CTNNA3: variants seen among roughly 807,000 people sequenced by gnomAD.
CTNNA3 encodes the protein catenin alpha 3.
CTNNA3 carries 76 observed loss-of-function variants against 95.7 expected under a neutral mutation model. The observed-to-expected ratio is 0.79, with a 90% CI of 0.66 to 0.96. The LOEUF is 0.96. Ranked by LOEUF, CTNNA3 falls within the 40% of genes least tolerant of loss-of-function variation. CTNNA3 has a pLI of 0.00. For synonymous variants in CTNNA3, 431 were observed against 374.4 expected, an observed-to-expected ratio of 1.15 and a Z score of -1.74; for missense variants, 1,191 against 1,089.8, an observed-to-expected ratio of 1.09 and a Z score of -1.31.
intron 7 of CTNNA3, among the ~76,000 whole-genome samples, chr10:67,105,984 A>G (rs1163492066): frequency 2.6e-5 from 4 of 152,200 alleles, no homozygotes; most frequent in African/African-American, 9.6e-5. Flanking sequence ...TTTCCTCTTT[A>G]ACAAACTTCA....
chr10:67,591,566 A>G (rs1395685955), intron 3 of CTNNA3, among the ~76,000 whole-genome samples: 1 of 152,172 alleles, frequency 6.6e-6, no homozygotes, highest in Non-Finnish European at 1.5e-5. Flanking sequence ...GTTGGATTCA[A>G]TGTCACATAG....
chr10:66,900,754 G>A (rs1241197284), intron 7 of CTNNA3, among the ~76,000 whole-genome samples: 1 of 152,104 alleles, frequency 6.6e-6, no homozygotes, highest in Non-Finnish European at 1.5e-5. Context: ...TAGCCAATTC[G>A]ATCAAGTGGA....
chr10:66,970,228 A>T (rs1261214823), intron 7 of CTNNA3, among the ~76,000 whole-genome samples: 1 of 152,164 alleles, frequency 6.6e-6, no homozygotes, highest in Non-Finnish European at 1.5e-5. Context: ...TATTAGATTC[A>T]AGCATCCACA....
intron 7 of CTNNA3, among the ~76,000 whole-genome samples, chr10:67,109,296 T>A (rs1404420272): frequency 6.6e-6 from 1 of 152,236 alleles, no homozygotes; most frequent in East Asian, 1.9e-4. Flanking sequence ...TTGCCTGATA[T>A]ACCAATAAGC....
At chr10:67,367,964 T>C (rs1481554069) in intron 5 of CTNNA3, among the ~76,000 whole-genome samples, 2 of 152,106 alleles carry the variant, frequency 1.3e-5, no homozygotes, top group East Asian at 1.9e-4. Context: ...ATAGGTTTAA[T>C]TGTATCCCAA....
chr10:66,811,849 C>T (rs1332169959), intron 7 of CTNNA3, among the ~76,000 whole-genome samples: 1 of 152,170 alleles, frequency 6.6e-6, no homozygotes, highest in Non-Finnish European at 1.5e-5. Context: ...ATCAGATTGC[C>T]TGTTTATATC....
intron 9 of CTNNA3, among the ~76,000 whole-genome samples, chr10:66,763,779 A>G (rs984930113): frequency 6.2e-4 from 95 of 152,300 alleles, no homozygotes; most frequent in African/African-American, 2.2e-3. Context: ...AGCTGAAGCT[A>G]CATGAAGAAG....
intron 11 of CTNNA3, among the ~76,000 whole-genome samples, chr10:66,487,073 G>A (rs1839754722): frequency 6.6e-6 from 1 of 151,718 alleles, no homozygotes; most frequent in Non-Finnish European, 1.5e-5. Flanking sequence ...TGCCCAAAGG[G>A]CATAAACTTT....
At chr10:66,728,634 G>T (rs1564643526) in intron 9 of CTNNA3, among the ~76,000 whole-genome samples, 1 of 152,024 alleles carries the variant, frequency 6.6e-6, no homozygotes. Context: ...CCGTCACCCA[G>T]GCTGGAGTGC....
chr10:66,963,053 T>C (rs540286641), intron 7 of CTNNA3, among the ~76,000 whole-genome samples: 78 of 152,282 alleles, frequency 5.1e-4, no homozygotes, highest in South Asian at 2.5e-3. Flanking sequence ...GCAGTAAGAC[T>C]CACACATACT....
intron 1 of CTNNA3, among the ~76,000 whole-genome samples, chr10:67,672,352 T>C (rs1290841436): frequency 3.9e-5 from 6 of 152,300 alleles, no homozygotes; most frequent in African/African-American, 9.6e-5. Context: ...GTGCAGAAGC[T>C]CTTGAGTTTA....
At chr10:66,968,845 T>C (rs1268344992) in intron 7 of CTNNA3, among the ~76,000 whole-genome samples, 3 of 151,958 alleles carry the variant, frequency 2.0e-5, no homozygotes, top group Non-Finnish European at 4.4e-5. Context: ...GGTGAAACCC[T>C]GTCTCTACCA....
chr10:66,760,855 A>C (rs1403611413), intron 9 of CTNNA3, among the ~76,000 whole-genome samples: 1 of 152,120 alleles, frequency 6.6e-6, no homozygotes, highest in Admixed American at 6.6e-5. Context: ...TCTGTTCTAC[A>C]TAAGTAAAGC....
chr10:65,926,702 C>T (rs975300532), intron 17 of CTNNA3, among the ~76,000 whole-genome samples: 3 of 152,062 alleles, frequency 2.0e-5, no homozygotes, highest in Non-Finnish European at 2.9e-5. Flanking sequence ...TCTTGAACTC[C>T]CAACCTTAGG....
chr10:66,079,306 G>A (rs545897930), intron 14 of CTNNA3: 3 of 151,946 alleles, frequency 2.0e-5, no homozygotes, highest in South Asian at 4.2e-4. Flanking sequence ...GAACATTTTG[G>A]TTGGTAAGGT....
chr10:67,285,027 C>T (rs1839542975), intron 5 of CTNNA3, among the ~76,000 whole-genome samples: 1 of 152,070 alleles, frequency 6.6e-6, no homozygotes, highest in Non-Finnish European at 1.5e-5. Context: ...TCTTCATGTT[C>T]CTGGAATTTG....
At chr10:65,929,142 T>C (rs573618527) in intron 17 of CTNNA3, among the ~76,000 whole-genome samples, 3 of 152,092 alleles carry the variant, frequency 2.0e-5, no homozygotes, top group South Asian at 4.2e-4. Flanking sequence ...TTTTTGTCCT[T>C]GCGATAGTTT....
chr10:66,841,115 A>G (rs1843052461), intron 7 of CTNNA3, among the ~76,000 whole-genome samples: 1 of 152,150 alleles, frequency 6.6e-6, no homozygotes, highest in African/African-American at 2.4e-5. Context: ...TGTTTTCCCT[A>G]TTAAAAGAAG....
intron 15 of CTNNA3, among the ~76,000 whole-genome samples, chr10:66,034,853 GTAAGTGTT>G (rs1411619867): frequency 6.6e-6 from 1 of 152,168 alleles, no homozygotes; most frequent in Non-Finnish European, 1.5e-5. Flanking sequence ...CTGCAAATCA[GTAAGTGTT>G]GTGCTTTCCA....
Sources: gnomAD v4.1 joint callset for allele counts (sites outside exome capture counted in the v4.1 genomes callset) on GRCh38, gnomAD v4.1.1 for gene constraint, MANE v1.5 for transcripts, NCBI Gene and HGNC (gene_info 2026-07-23, HGNC 2026-07-21) for gene names.